Variants in ARFGEF2 observed in about 807,000 individuals in gnomAD.
ARFGEF2 encodes the protein brefeldin A-inhibited guanine nucleotide-exchange protein 2.
A neutral mutation model predicts 219.9 loss-of-function variants in ARFGEF2; 74 were observed. The ratio of observed to expected loss-of-function variants is 0.34; its 90% CI spans 0.28 to 0.41. The LOEUF (loss-of-function observed/expected upper bound fraction) is 0.41, where lower values mean the gene tolerates loss of function less well. ARFGEF2 is among the 10% of genes least tolerant of loss of function. ARFGEF2 has a pLI of 1.00. For missense variants in ARFGEF2, 1,743 were observed against 2,218.3 expected (o/e 0.79, Z 4.30); for synonymous variants, 733 against 799.2 (o/e 0.92, Z 1.40).
chr20:48,949,773 C>A (rs542994832), intron 3 of ARFGEF2, among the ~76,000 whole-genome samples: 9 of 152,180 alleles, frequency 5.9e-5, no homozygotes, highest in East Asian at 5.8e-4. Flanking sequence ...GAACCTGAGT[C>A]CCCCTGGTGG....
At position 49,012,048 on chromosome 20, in the gene ARFGEF2, C is replaced by T; in HGVS notation, c.3882C>T (p.Ile1294=). 6.2e-7 allele frequency: 1 copy of T among 1,614,142 alleles called. No individual in the cohort carries two copies. The highest frequency in any genetic ancestry group is 8.5e-7 in the Non-Finnish European group (1 of 1,179,968). Residue 1294 remains isoleucine, a synonymous_variant, in exon 28 of 39, where the codon ATC becomes ATT. Transcript: ENST00000371917. ...PDTSMEAIRL[I]RFCGKYVSER... is the part of the protein sequence containing the mutation. ...CGAGCATGGAAGCGATTCGGCTCAT[C>T]CGCTTCTGTGGCAAATACGTCTCTG...
In ARFGEF2 at chr20:49,035,100, G is replaced by C. The variant is rs1174152374; in HGVS notation, c.*1901G>C. The stretch of plus-strand genomic sequence containing the variant: ...GCGTCATCACCTCAACAAGTCAGTC[G>C]TCTCCATTGATATTTGTACAAAAGG... On this transcript the variant is annotated 3_prime_UTR_variant, in exon 39 of 39. Transcript: ENST00000371917. The C allele has an allele frequency of 6.6e-6, 1 of 152,118 alleles. No individual in the cohort carries two copies. The highest frequency in any genetic ancestry group is 2.4e-5 in the African/African-American group (1 of 41,388). The allele number at this position is 152,118 out of a possible 1,614,324, so 9.4% of individuals were successfully genotyped here.
At chr20:48,936,865 GT>G (rs2090961722) in intron 1 of ARFGEF2, among the ~76,000 whole-genome samples, 1 of 151,898 alleles carries the variant, frequency 6.6e-6, no homozygotes, top group Non-Finnish European at 1.5e-5. Context: ...ATGATGAGCT[GT>G]TTTTCATATG....
chr20:48,972,397 C>A lies in ARFGEF2; in HGVS notation c.1497C>A (p.Val499=). The A allele has an allele frequency of 6.2e-7, 1 of 1,613,970 alleles. No homozygotes were observed. Among genetic ancestry groups the A allele is most frequent in the South Asian group, 1.1e-5 (1 of 91,050 alleles). Residue 499 remains valine, a synonymous_variant, in exon 11 of 39, where the codon GTC becomes GTA. Transcript: ENST00000371917. ...STSSFEHRWM[V]IQTLTRICAD... is the part of the protein sequence containing the mutation. ...GTTCTTTTGAGCACAGGTGGATGGTCATTCAGACTCTGACGAGGATCTGTG... is the reference window on the plus strand; with the variant it reads ...GTTCTTTTGAGCACAGGTGGATGGTAATTCAGACTCTGACGAGGATCTGTG...
chr20:48,922,312 C>T (rs1414096718), intron 1 of ARFGEF2, among the ~76,000 whole-genome samples: 1 of 152,234 alleles, frequency 6.6e-6, no homozygotes, highest in Non-Finnish European at 1.5e-5. Context: ...ACCTCCAAGT[C>T]CTAGAAACAG....
intron 25 of ARFGEF2, among the ~76,000 whole-genome samples, chr20:49,002,416 C>G (rs764741879): frequency 1.3e-5 from 2 of 152,144 alleles, no homozygotes; most frequent in African/African-American, 4.8e-5. Flanking sequence ...CTTTCACCCT[C>G]CTGACCACAG....
rs1386693251 is a variant in ARFGEF2, at chr20:48,953,803, A to G, written c.838+13A>G. On this transcript the variant is annotated intron_variant, in intron 6 of 38. Coordinates refer to ENST00000371917, the MANE Select transcript of ARFGEF2 (RefSeq NM_006420.3). ...TCATCACTGTCAGGTACGGGCTGAT[A>G]CGGTATGGCTCTTTTTCCAAGTGTG... 5 of 1,610,896 alleles carry G rather than the reference A, an allele frequency of 3.1e-6. No homozygotes were observed. In the African/African-American group the frequency reaches 6.7e-5, roughly 22 times the overall value.
chr20:48,972,933 C>G (rs1252258503), intron 11 of ARFGEF2, among the ~76,000 whole-genome samples: 1 of 152,150 alleles, frequency 6.6e-6, no homozygotes, highest in African/African-American at 2.4e-5. Flanking sequence ...GTGGAATGAA[C>G]TGCCTGAGAT....
intron 6 of ARFGEF2, among the ~76,000 whole-genome samples, 172 bp from the exon 7 acceptor site, chr20:48,963,658 C>A (rs2123394042): frequency 6.6e-6 from 1 of 152,300 alleles, no homozygotes; most frequent in African/African-American, 2.4e-5. Context: ...CCTAAGTTTC[C>A]AGATTTCAAG....
At chr20:49,009,929 G>A (rs2091486044) in intron 26 of ARFGEF2, among the ~76,000 whole-genome samples, 1 of 152,150 alleles carries the variant, frequency 6.6e-6, no homozygotes. Context: ...ATTCAACTTT[G>A]GTTCCATGGC....
At position 48,950,839 on chromosome 20, in the gene ARFGEF2, T is replaced by A. The variant is rs1332054598; in HGVS notation, c.277-484T>A. ...ATATATATATATATATATATATATA[T>A]ATATATATGTATGTATATACATGCA... is the stretch of plus-strand genomic sequence containing the variant. On this transcript the variant is annotated intron_variant, in intron 3 of 38. Coordinates refer to ENST00000371917, the MANE Select transcript of ARFGEF2 (RefSeq NM_006420.3). Among the ~76,000 whole-genome samples, 48 of 133,174 alleles carry A rather than the reference T, an allele frequency of 3.6e-4. 1 individual carries two copies. Among genetic ancestry groups the A allele is most frequent in the African/African-American group, 1.3e-3 (48 of 35,776 alleles). 87.4% of individuals were successfully genotyped at this position (133,174 alleles called of 152,430 possible).
At chr20:48,953,401 C>T (rs1420681849) in intron 5 of ARFGEF2, among the ~76,000 whole-genome samples, 155 bp from the exon 6 acceptor site, 1 of 152,022 alleles carries the variant, frequency 6.6e-6, no homozygotes, top group Non-Finnish European at 1.5e-5. Flanking sequence ...GTCTCGAACT[C>T]CTGGGTTCAA....
Position 48,991,040 on chromosome 20 carries a change from C to G in ARFGEF2, c.2815C>G (p.Leu939Val). ...GTTCTCTCTTGGGTTTCTGTTACAG[C>G]TGGAACGAGATGCCTATGTTCAGGC... ...IRIACIFGMQ[L>V]ERDAYVQALA... Residue 939 changes from leucine (L) to valine (V), a missense_variant and splice_region_variant, in exon 21 of 39, where the codon CTG becomes GTG. Coordinates refer to ENST00000371917, the MANE Select transcript of ARFGEF2 (RefSeq NM_006420.3). 2 of 1,613,850 alleles carry G rather than the reference C, an allele frequency of 1.2e-6. No homozygotes were observed. Among genetic ancestry groups the G allele is most frequent in the Non-Finnish European group, 1.7e-6 (2 of 1,179,878 alleles).
chr20:48,935,628 G>C (rs1035235292), intron 1 of ARFGEF2, among the ~76,000 whole-genome samples: 2 of 152,216 alleles, frequency 1.3e-5, no homozygotes, highest in Non-Finnish European at 2.9e-5. Context: ...CAGACGGGGT[G>C]GTGGCCGGGC....
intron 23 of ARFGEF2, 155 bp from the exon 24 acceptor site, chr20:48,998,038 T>C (rs1418898432): frequency 4.3e-6 from 3 of 691,900 alleles, no homozygotes; most frequent in African/African-American, 1.8e-5. Context: ...TTTGTATTTT[T>C]TATTAGAGAC....
chr20:49,000,989 A>G (rs1247055377), intron 25 of ARFGEF2, among the ~76,000 whole-genome samples: 3 of 151,198 alleles, frequency 2.0e-5, no homozygotes, highest in Non-Finnish European at 4.4e-5. Flanking sequence ...CATCAACTTC[A>G]TTACAAATGT....
At chr20:49,027,107 A>G (rs1247368280) in intron 36 of ARFGEF2, among the ~76,000 whole-genome samples, 1 of 148,742 alleles carries the variant, frequency 6.7e-6, no homozygotes, top group Non-Finnish European at 1.5e-5. Context: ...TTTTTTGGAG[A>G]TGGAGTCTCA....
chr20:48,997,134 G>A (rs1368432767), intron 23 of ARFGEF2, among the ~76,000 whole-genome samples: 1 of 151,824 alleles, frequency 6.6e-6, no homozygotes, highest in East Asian at 1.9e-4. Context: ...CTATTGTTAA[G>A]TGCATATAAT....
intron 3 of ARFGEF2, among the ~76,000 whole-genome samples, chr20:48,943,185 A>G (rs1007625077): frequency 6.6e-6 from 1 of 152,242 alleles, no homozygotes. Context: ...AAGGAGGCAT[A>G]GTGTTGCCTT....
Sources: allele counts gnomAD v4.1 joint callset (sites outside exome capture counted in the v4.1 genomes callset), GRCh38; gene constraint gnomAD v4.1.1; transcripts MANE v1.5; gene names NCBI Gene and HGNC (gene_info 2026-07-23, HGNC 2026-07-21).